Variants in LRRC20 observed in about 807,000 individuals in gnomAD.
LRRC20 encodes the protein leucine rich repeat containing 20.
A neutral mutation model predicts 14.4 loss-of-function variants in LRRC20; 11 were observed. That is an observed-to-expected ratio of 0.77 (90% confidence interval 0.48 to 1.27). The LOEUF (loss-of-function observed/expected upper bound fraction) is 1.27, where lower values mean the gene tolerates loss of function less well. Among genes scored for constraint, LRRC20 ranks in the 50% most tolerant of loss-of-function variants. The pLI, the probability that LRRC20 is intolerant of heterozygous loss-of-function variation, is 0.00. For missense variants in LRRC20, 219 were observed against 251.2 expected (o/e 0.87, Z 0.87); for synonymous variants, 121 against 107.3 (o/e 1.13, Z -0.79).
At chr10:70,376,778 A>T in intron 1 of LRRC20, 182 bp from the exon 2 acceptor site, 7 of 531,696 alleles carry the variant, frequency 1.3e-5, no homozygotes, top group Non-Finnish European at 1.0e-5. Flanking sequence ...TGGCCTTTGC[A>T]CAAGCTGGTC....
At chr10:70,325,870 C>T (rs1283489779) in intron 3 of LRRC20, among the ~76,000 whole-genome samples, 1 of 152,126 alleles carries the variant, frequency 6.6e-6, no homozygotes, top group African/African-American at 2.4e-5. Flanking sequence ...ACTCCAGGCA[C>T]CTCCCGAGAA....
At chr10:70,316,655 T>C (rs1268222468) in intron 4 of LRRC20, among the ~76,000 whole-genome samples, 2 of 152,236 alleles carry the variant, frequency 1.3e-5, no homozygotes, top group African/African-American at 4.8e-5. Flanking sequence ...AAACAGGAGC[T>C]TCCTGCACCC....
chr10:70,321,042 G>A (rs1283092426), intron 4 of LRRC20, among the ~76,000 whole-genome samples: 5 of 152,160 alleles, frequency 3.3e-5, no homozygotes, highest in Non-Finnish European at 7.3e-5. Context: ...TAGGGTGGCT[G>A]TCCTTCTGAT....
chr10:70,376,506 C>T lies in LRRC20; in HGVS notation c.28G>A (p.Ala10Thr). Reference protein sequence around the residue: MLKKMGEAVARVARKVNETV... With the variant: MLKKMGEAVTRVARKVNETV... ...TCGTTGACCTTCCTTGCTACTCTGG[C>T]CACGGCCTCACCCATCTTCTTCAGC... is the stretch of plus-strand genomic sequence containing the variant. Residue 10 changes from alanine (A) to threonine (T), a missense_variant, in exon 2 of 5, where the codon GCC (alanine) becomes ACC (threonine). Physicochemically the swap from Ala to Thr is moderately conservative, Grantham distance 58. Coordinates refer to ENST00000446961, the MANE Select transcript of LRRC20 (RefSeq NM_001278212.2). 1 of 1,613,960 alleles carries T rather than the reference C, an allele frequency of 6.2e-7. No homozygotes were observed.
chr10:70,349,434 C>T (rs12219099), intron 2 of LRRC20, among the ~76,000 whole-genome samples: 5,865 of 152,100 alleles, frequency 0.039, 162 homozygotes, highest in East Asian at 0.094. Flanking sequence ...AAAAAGTAGT[C>T]GGTCGTGGTG....
intron 2 of LRRC20, among the ~76,000 whole-genome samples, chr10:70,346,968 C>A (rs1843095865): frequency 6.6e-6 from 1 of 152,130 alleles, no homozygotes; most frequent in Non-Finnish European, 1.5e-5. Context: ...TCACTGCTAC[C>A]TTCACCTCCC....
At chr10:70,329,338 A>G (rs1343683447) in intron 3 of LRRC20, among the ~76,000 whole-genome samples, 1 of 152,174 alleles carries the variant, frequency 6.6e-6, no homozygotes, top group Non-Finnish European at 1.5e-5. Context: ...TTGTTGTTTT[A>G]TGGCAGTGGT....
rs142533849 is a variant in LRRC20 at position 70,340,794 on chromosome 10, C to A, written c.83-92G>T. The A allele has an allele frequency of 7.3e-6, 10 of 1,364,798 alleles. No homozygotes were observed. The African/African-American group carries it at 1.0e-4, about 14-fold the overall frequency. 84.5% of individuals were successfully genotyped at this position (1,364,798 alleles called of 1,614,324 possible). ...TCACACAGACCCCACCTCCATGCCC[C>A]CTTCCAGCCTCCTTGCCCTCCCACC... On this transcript the variant is annotated intron_variant, in intron 2 of 4. Transcript: ENST00000446961.
Position 70,322,499 on chromosome 10 carries a change from G to A in LRRC20, c.400+1364C>T, listed in dbSNP as rs372507105. Among the ~76,000 whole-genome samples the A allele has an allele frequency of 4.6e-5, 7 of 152,290 alleles. No homozygotes were observed. The South Asian group carries it at 1.0e-3, about 23-fold the overall frequency. On this transcript the variant is annotated intron_variant, in intron 4 of 4. Coordinates refer to ENST00000446961, the MANE Select transcript of LRRC20 (RefSeq NM_001278212.2). Reference sequence around the variant, plus strand: ...AGGACAGCACGGGAGGGAGAGCCGCGCAGGCCAAGGCACTTCTGGGCAGGC... The same window carrying A: ...AGGACAGCACGGGAGGGAGAGCCGCACAGGCCAAGGCACTTCTGGGCAGGC...
chr10:70,319,409 T>C (rs1252794821), intron 4 of LRRC20, among the ~76,000 whole-genome samples: 1 of 152,190 alleles, frequency 6.6e-6, no homozygotes, highest in Admixed American at 6.5e-5. Flanking sequence ...TGTTGGCTGC[T>C]GGGGTGAACA....
chr10:70,314,536 T>C (rs149638523), intron 4 of LRRC20, among the ~76,000 whole-genome samples: 229 of 152,264 alleles, frequency 1.5e-3, no homozygotes, highest in African/African-American at 5.0e-3. Flanking sequence ...GAAGAAACCA[T>C]TGGGCAACTA....
intron 4 of LRRC20, among the ~76,000 whole-genome samples, chr10:70,304,252 C>A (rs568056099): frequency 7.9e-4 from 120 of 152,014 alleles, no homozygotes; most frequent in African/African-American, 2.8e-3. Context: ...CAGGACGGGG[C>A]CAGACCTCAT....
chr10:70,330,089 G>A (rs1842478644), intron 3 of LRRC20, among the ~76,000 whole-genome samples: 1 of 152,120 alleles, frequency 6.6e-6, no homozygotes, highest in Non-Finnish European at 1.5e-5. Flanking sequence ...GTCTTTGTCT[G>A]CATTTGATAT....
intron 2 of LRRC20, among the ~76,000 whole-genome samples, chr10:70,366,011 A>C (rs1451489136): frequency 6.8e-6 from 1 of 146,890 alleles, no homozygotes; most frequent in Admixed American, 6.8e-5. Context: ...TAGAGCCTGC[A>C]GTGAGCCGAG....
chr10:70,362,092 C>A (rs572685490), intron 2 of LRRC20, among the ~76,000 whole-genome samples: 1 of 152,140 alleles, frequency 6.6e-6, no homozygotes, highest in Non-Finnish European at 1.5e-5. Flanking sequence ...GACTGAAGCA[C>A]GAGAATCACT....
intron 2 of LRRC20, among the ~76,000 whole-genome samples, chr10:70,353,352 C>CA (rs5785972): frequency 0.86 from 130,122 of 152,094 alleles, 56,370 homozygotes; most frequent in Middle Eastern, 0.96. Context: ...GTGATCTCAG[C>CA]TTGTCATGCA....
intron 4 of LRRC20, among the ~76,000 whole-genome samples, chr10:70,316,043 C>T (rs575984307): frequency 6.6e-6 from 1 of 152,214 alleles, no homozygotes. Flanking sequence ...CTCCAGCACT[C>T]TGGACAGAGA....
chr10:70,309,652 C>A (rs2136886987), intron 4 of LRRC20, among the ~76,000 whole-genome samples: 1 of 152,376 alleles, frequency 6.6e-6, no homozygotes, highest in East Asian at 1.9e-4. Context: ...TTCTCCCCAT[C>A]CGCTACTGAA....
intron 2 of LRRC20, among the ~76,000 whole-genome samples, chr10:70,366,101 G>T (rs908479835): frequency 7.0e-5 from 10 of 143,278 alleles, no homozygotes; most frequent in African/African-American, 2.6e-4. Flanking sequence ...AACAAAAAAC[G>T]AATGGATAGC....
Sources: gnomAD v4.1 joint callset for allele counts (sites outside exome capture counted in the v4.1 genomes callset) on GRCh38, gnomAD v4.1.1 for gene constraint, MANE v1.5 for transcripts, NCBI Gene and HGNC (gene_info 2026-07-23, HGNC 2026-07-21) for gene names.